Variants in RAPGEF5 observed in about 807,000 individuals in gnomAD.
The protein encoded by RAPGEF5 is Rap guanine nucleotide exchange factor 5.
Under a neutral mutation model 125.2 loss-of-function variants are expected in RAPGEF5, and 65 were observed. The observed-to-expected ratio is 0.52, with a 90% CI of 0.43 to 0.64. RAPGEF5 has a LOEUF of 0.64. Among genes scored for constraint, RAPGEF5 ranks in the 30% least tolerant of loss-of-function variants. The pLI, the probability that RAPGEF5 is intolerant of heterozygous loss-of-function variation, is 0.00. For missense variants in RAPGEF5, 958 were observed against 1,048.1 expected (o/e 0.91, Z 1.19); for synonymous variants, 391 against 385.9 (o/e 1.01, Z -0.16).
At chr7:22,330,386 G>A (rs1030482824) in intron 1 of RAPGEF5, among the ~76,000 whole-genome samples, 4 of 152,234 alleles carry the variant, frequency 2.6e-5, no homozygotes, top group Admixed American at 6.5e-5. Flanking sequence ...TGTAAGGGAA[G>A]GAGCCCTGTG....
At chr7:22,344,556 C>T (rs1332702980) in intron 1 of RAPGEF5, among the ~76,000 whole-genome samples, 3 of 152,176 alleles carry the variant, frequency 2.0e-5, no homozygotes, top group Admixed American at 6.5e-5. Context: ...AGAATAGATA[C>T]TGCTGGCCTC....
chr7:22,296,591 A>T (rs552725288), intron 5 of RAPGEF5, among the ~76,000 whole-genome samples: 11 of 94,098 alleles, frequency 1.2e-4, no homozygotes, highest in Admixed American at 3.3e-4. Context: ...AAAGCCCAAT[A>T]AAAAAAAGTG....
chr7:22,174,146 TAA>T (rs1202678089), intron 11 of RAPGEF5, among the ~76,000 whole-genome samples: 1 of 152,190 alleles, frequency 6.6e-6, no homozygotes, highest in African/African-American at 2.4e-5. Flanking sequence ...GCACTCTAGA[TAA>T]ATACTACCTA....
At chr7:22,165,147 T>C (rs1197453397) in intron 12 of RAPGEF5, among the ~76,000 whole-genome samples, 1 of 152,170 alleles carries the variant, frequency 6.6e-6, no homozygotes, top group African/African-American at 2.4e-5. Flanking sequence ...GTTTTGATTA[T>C]CGGTAAAAAG....
intron 6 of RAPGEF5, among the ~76,000 whole-genome samples, chr7:22,289,401 CAA>C (rs1391419294): frequency 4.6e-5 from 7 of 152,232 alleles, no homozygotes; most frequent in Non-Finnish European, 8.8e-5. Flanking sequence ...GCAAGCTACT[CAA>C]ACTCTGTAAG....
At position 22,297,765 on chromosome 7, in the gene RAPGEF5, T is replaced by C. The variant is rs565182671; in HGVS notation, c.681-6524A>G. On this transcript the variant is annotated intron_variant, in intron 5 of 25. Coordinates refer to ENST00000665637, the MANE Select transcript of RAPGEF5 (RefSeq NM_012294.5). Reference sequence around the variant, plus strand: ...CCAAATATATGCCTTTTATCTCTTTTTCTTGACTTTTTGCACTGGCCTGAG... The same window carrying C: ...CCAAATATATGCCTTTTATCTCTTTCTCTTGACTTTTTGCACTGGCCTGAG... Among the ~76,000 whole-genome samples the C allele has an allele frequency of 2.0e-5, 3 of 152,362 alleles. No individual in the cohort carries two copies. The East Asian group carries it at 5.8e-4, about 29-fold the overall frequency.
At chr7:22,299,468 C>T (rs1022805237) in intron 5 of RAPGEF5, among the ~76,000 whole-genome samples, 2 of 152,100 alleles carry the variant, frequency 1.3e-5, no homozygotes, top group African/African-American at 2.4e-5. Flanking sequence ...ATTACATCTA[C>T]ATACACTGAA....
intron 9 of RAPGEF5, among the ~76,000 whole-genome samples, chr7:22,208,605 T>A (rs1429376408): frequency 6.6e-6 from 1 of 152,196 alleles, no homozygotes; most frequent in Non-Finnish European, 1.5e-5. Flanking sequence ...AGCTAAGGAA[T>A]AATTCCCTTC....
chr7:22,140,139 G>T, intron 20 of RAPGEF5, 24 bp from the exon 21 acceptor site: 1 of 1,526,640 alleles, frequency 6.6e-7, no homozygotes, highest in South Asian at 1.2e-5. Context: ...GAGAGTAGAG[G>T]ACACTTTGAG....
intron 11 of RAPGEF5, among the ~76,000 whole-genome samples, chr7:22,185,975 G>A (rs879889760): frequency 3.3e-5 from 5 of 151,906 alleles, no homozygotes; most frequent in Admixed American, 2.0e-4. Flanking sequence ...ATGCCTCAGT[G>A]CCACCACTTC....
At chr7:22,257,022 CA>C (rs1220001262) in intron 7 of RAPGEF5, among the ~76,000 whole-genome samples, 2 of 152,250 alleles carry the variant, frequency 1.3e-5, no homozygotes, top group Middle Eastern at 6.8e-3. Flanking sequence ...CACTGATTGG[CA>C]GTTACTTTTA....
At chr7:22,216,940 C>T (rs1785652180) in intron 9 of RAPGEF5, among the ~76,000 whole-genome samples, 1 of 152,190 alleles carries the variant, frequency 6.6e-6, no homozygotes, top group Non-Finnish European at 1.5e-5. Context: ...AAGCTGTAAT[C>T]CCCTTCAATT....
chr7:22,334,011 G>A (rs1783978271), intron 1 of RAPGEF5, among the ~76,000 whole-genome samples: 1 of 152,274 alleles, frequency 6.6e-6, no homozygotes, highest in South Asian at 2.1e-4. Context: ...GGCTCAAGCA[G>A]CCAAGACAGA....
At chr7:22,343,470 CA>C (rs1784166198) in intron 1 of RAPGEF5, among the ~76,000 whole-genome samples, 1 of 152,106 alleles carries the variant, frequency 6.6e-6, no homozygotes, top group Non-Finnish European at 1.5e-5. Flanking sequence ...TTATATATTT[CA>C]TTTATTAAGA....
chr7:22,152,740 A>T (rs1000033557), intron 17 of RAPGEF5, among the ~76,000 whole-genome samples: 1 of 152,232 alleles, frequency 6.6e-6, no homozygotes, highest in Non-Finnish European at 1.5e-5. Context: ...ATAATTTATT[A>T]AAAATTATGT....
intron 9 of RAPGEF5, among the ~76,000 whole-genome samples, chr7:22,194,953 C>G (rs555909569): frequency 6.6e-6 from 1 of 152,124 alleles, no homozygotes; most frequent in East Asian, 1.9e-4. Context: ...TACGGTAGCC[C>G]GGGAGAAAGG....
intron 3 of RAPGEF5, among the ~76,000 whole-genome samples, chr7:22,313,024 C>T (rs1233083314): frequency 6.6e-6 from 1 of 152,168 alleles, no homozygotes; most frequent in East Asian, 1.9e-4. Flanking sequence ...CAGTCTTGTA[C>T]TCAATCCAGA....
At chr7:22,196,786 C>T (rs1363223272) in intron 9 of RAPGEF5, among the ~76,000 whole-genome samples, 4 of 152,310 alleles carry the variant, frequency 2.6e-5, no homozygotes, top group East Asian at 1.9e-4. Context: ...GCTGATGTTT[C>T]GTACTAAGAC....
intron 5 of RAPGEF5, among the ~76,000 whole-genome samples, chr7:22,297,204 A>G (rs1285621091): frequency 6.6e-6 from 1 of 152,222 alleles, no homozygotes; most frequent in African/African-American, 2.4e-5. Context: ...AAGCAGGAAA[A>G]AAATGAGATT....
Sources: gnomAD v4.1 joint callset for allele counts (sites outside exome capture counted in the v4.1 genomes callset) on GRCh38, gnomAD v4.1.1 for gene constraint, MANE v1.5 for transcripts, NCBI Gene and HGNC (gene_info 2026-07-23, HGNC 2026-07-21) for gene names.